Variants in TTLL2 observed in about 807,000 individuals in gnomAD.
TTLL2 encodes the protein probable tubulin polyglutamylase TTLL2.
Under a neutral mutation model 7.5 loss-of-function variants are expected in TTLL2, and 10 were observed. That is an observed-to-expected ratio of 1.33 (90% confidence interval 0.82 to 2.25). The LOEUF is 2.25. TTLL2 is among the 30% of genes most tolerant of loss of function. The pLI is 0.00. For missense variants in TTLL2, 733 were observed against 735.7 expected, an observed-to-expected ratio of 1.00 and a Z score of 0.04; for synonymous variants, 284 against 280.3, an observed-to-expected ratio of 1.01 and a Z score of -0.13.
At chr6:167,338,836 C>G (rs775000620) in intron 2 of TTLL2, 33 bp downstream of exon 2, 1 of 1,378,520 alleles carries the variant, frequency 7.3e-7, no homozygotes, top group East Asian at 2.6e-5. Context: ...TCCTTCCTTC[C>G]TTCCTTCCTT....
intron 1 of TTLL2, among the ~76,000 whole-genome samples, chr6:167,337,691 T>C (rs543839663): frequency 6.6e-6 from 1 of 152,204 alleles, no homozygotes; most frequent in Non-Finnish European, 1.5e-5. Context: ...TTCTTGGTGA[T>C]AGGAAAGAAG....
chr6:167,341,170 G>T lies in TTLL2; in HGVS notation c.1270G>T (p.Gly424Trp), dbSNP rs141172576. The change falls in exon 3 of 3, where the codon GGG (glycine) becomes TGG (tryptophan). Residue 424 changes from glycine (G) to tryptophan (W), a missense_variant. By Grantham distance (184) the Gly-to-Trp change is radical (BLOSUM62 -2). Transcript: ENST00000239587. Reference sequence around the variant, plus strand: ...TTACTTAAATGGTCTAAGAAATGAGGGGAGAGAAGCCAGTAATGCCACACA... The same window carrying T: ...TTACTTAAATGGTCTAAGAAATGAGTGGAGAGAAGCCAGTAATGCCACACA... ...LIYLNGLRNE[G>W]REASNATHGN... The T allele has an allele frequency of 6.2e-7, 1 of 1,613,858 alleles. No homozygotes were observed. The highest frequency in any genetic ancestry group is 8.5e-7 in the Non-Finnish European group (1 of 1,180,014).
In TTLL2 at chr6:167,341,620, T is replaced by A; in HGVS notation, c.1720T>A (p.Leu574Ile). 1.2e-6 allele frequency: 2 copies of A among 1,614,120 alleles called. No homozygotes were observed. Among genetic ancestry groups the A allele is most frequent in the South Asian group, 1.1e-5 (1 of 91,068 alleles). Residue 574 changes from leucine to isoleucine, a missense_variant, in exon 3 of 3, where the codon TTA becomes ATA. By Grantham distance (5) the Leu-to-Ile change is conservative. Transcript: ENST00000239587. ...EATLGASRNG[L>I]NVKRIIQELQ... ...AACTCTCGGAGCTTCCAGGAATGGA[T>A]TAAATGTCAAAAGAATAATCCAAGA...
At chr6:167,332,140 C>T (rs1459300685) in intron 1 of TTLL2, among the ~76,000 whole-genome samples, 1 of 152,128 alleles carries the variant, frequency 6.6e-6, no homozygotes, top group East Asian at 1.9e-4. Flanking sequence ...TCAAAGACCC[C>T]ACACTGCGTC....
chr6:167,326,108 T>C (rs1320493454), intron 1 of TTLL2, among the ~76,000 whole-genome samples: 2 of 151,928 alleles, frequency 1.3e-5, no homozygotes, highest in Non-Finnish European at 2.9e-5. Flanking sequence ...GGCGTTTGCG[T>C]TTCAAGCAGC....
At position 167,326,016 on chromosome 6, in the gene TTLL2, T is replaced by A. The variant is rs1583105984; in HGVS notation, c.47+796T>A. Among the ~76,000 whole-genome samples the A allele has an allele frequency of 2.0e-5, 3 of 151,906 alleles. No homozygotes were observed. In the South Asian group the frequency reaches 6.2e-4, roughly 32 times the overall value. ...GTAGCCTCCACACCGCAGGCAGAGG[T>A]CATGATGAGGGAAGAGATCACACCT... On this transcript the variant is annotated intron_variant, in intron 1 of 2. Coordinates refer to ENST00000239587, the MANE Select transcript of TTLL2 (RefSeq NM_031949.5).
chr6:167,325,247 T>C, intron 1 of TTLL2, 27 bp downstream of exon 1: 1 of 1,522,464 alleles, frequency 6.6e-7, no homozygotes, highest in Non-Finnish European at 8.8e-7. Flanking sequence ...ACACGTAGGA[T>C]GGGAGGGTGG....
Position 167,341,575 on chromosome 6 carries a change from GT to G in TTLL2, c.1680del (p.Pro561LeufsTer14). On this transcript the variant is annotated frameshift_variant, in exon 3 of 3. Coordinates refer to ENST00000239587, the MANE Select transcript of TTLL2 (RefSeq NM_031949.5). LOFTEE classifies it low-confidence loss of function (END_TRUNC). ...PDPQAGNFVL[V>X]FPFNEATLGA... The stretch of plus-strand genomic sequence containing the variant: ...TCCCCAAGCAGGCAACTTTGTTCTT[GT>G]TTTTCCTTTCAATGAAGCAACTCTC... 1.2e-6 allele frequency: 2 copies of G among 1,614,132 alleles called. No homozygotes were observed. Among genetic ancestry groups the G allele is most frequent in the East Asian group, 4.5e-5 (2 of 44,880 alleles).
At position 167,341,510 on chromosome 6, in the gene TTLL2, C is replaced by G; in HGVS notation, c.1610C>G (p.Thr537Ser). The stretch of plus-strand genomic sequence containing the variant: ...CAGTCGCACTCCTGCAAGACCAAGA[C>G]CTCCCCGTGTGTCCTGTCAGACCGT... ...LFQSHSCKTK[T>S]SPCVLSDRGK... Residue 537 changes from threonine (T) to serine (S), a missense_variant, in exon 3 of 3, where the codon ACC (threonine) becomes AGC (serine). Thr to Ser is a moderately conservative substitution (Grantham distance 58). Coordinates refer to ENST00000239587, the MANE Select transcript of TTLL2 (RefSeq NM_031949.5). The G allele has an allele frequency of 6.2e-7, 1 of 1,614,190 alleles. No individual in the cohort carries two copies. The highest frequency in any genetic ancestry group is 8.5e-7 in the Non-Finnish European group (1 of 1,180,056).
chr6:167,340,775 A>G lies in TTLL2; in HGVS notation c.875A>G (p.Asn292Ser), dbSNP rs1245291301. The change falls in exon 3 of 3, where the codon AAC (asparagine) becomes AGC (serine). Residue 292 changes from asparagine (N) to serine (S), a missense_variant. By Grantham distance (46) the Asn-to-Ser change is conservative. Coordinates refer to ENST00000239587, the MANE Select transcript of TTLL2 (RefSeq NM_031949.5). Reference protein sequence around the residue: ...TEKFDLSNLQNNYAHLTNSSI... With the variant: ...TEKFDLSNLQSNYAHLTNSSI... ...AAGTTTGACCTCAGTAATTTGCAAA[A>G]CAATTATGCCCATTTGACCAACAGC... The G allele has an allele frequency of 6.2e-7, 1 of 1,614,066 alleles. No individual in the cohort carries two copies. Among genetic ancestry groups the G allele is most frequent in the Non-Finnish European group, 8.5e-7 (1 of 1,180,042 alleles).
rs750974770 is a variant in TTLL2, at chr6:167,341,563, A to T, written c.1663A>T (p.Asn555Tyr). 3.7e-6 allele frequency: 6 copies of T among 1,614,176 alleles called. No individual in the cohort carries two copies. Among genetic ancestry groups the T allele is most frequent in the Non-Finnish European group, 3.4e-6 (4 of 1,180,044 alleles). ...CAAAGCTCCAGATCCCCAAGCAGGC[A>T]ACTTTGTTCTTGTTTTTCCTTTCAA... is the stretch of plus-strand genomic sequence containing the variant. ...RGKAPDPQAG[N>Y]FVLVFPFNEA... is the part of the protein sequence containing the mutation. Residue 555 changes from asparagine (N) to tyrosine (Y), a missense_variant, in exon 3 of 3, where the codon AAC (asparagine) becomes TAC (tyrosine). Transcript: ENST00000239587.
At position 167,340,241 on chromosome 6, in the gene TTLL2, A is replaced by C; in HGVS notation, c.341A>C (p.Gln114Pro). The part of the protein sequence containing the change: ...LERGWNKFDK[Q>P]EQNAEDWNLY... Reference sequence around the variant, plus strand: ...AGGGGGTGGAATAAGTTTGATAAGCAGGAGCAGAACGCGGAGGACTGGAAC... The same window carrying C: ...AGGGGGTGGAATAAGTTTGATAAGCCGGAGCAGAACGCGGAGGACTGGAAC... Residue 114 changes from glutamine (Q) to proline (P), a missense_variant, in exon 3 of 3, where the codon CAG (glutamine) becomes CCG (proline). Gln to Pro is a moderately conservative substitution (Grantham distance 76). Transcript: ENST00000239587. 1 of 1,614,138 alleles carries C rather than the reference A, an allele frequency of 6.2e-7. No individual in the cohort carries two copies. The highest frequency in any genetic ancestry group is 8.5e-7 in the Non-Finnish European group (1 of 1,180,022).
At chr6:167,338,521 A>T in intron 1 of TTLL2, 126 bp from the exon 2 acceptor site, 1 of 1,279,224 alleles carries the variant, frequency 7.8e-7, no homozygotes, top group Non-Finnish European at 1.1e-6. Flanking sequence ...TGAAAGCATT[A>T]CTGCAAACTA....
Position 167,342,326 on chromosome 6 carries a change from C to G in TTLL2, c.*647C>G, listed in dbSNP as rs560453070. On this transcript the variant is annotated 3_prime_UTR_variant, in exon 3 of 3. Transcript: ENST00000239587. The stretch of plus-strand genomic sequence containing the variant: ...CATGTGAGGTCATGGCCTCCCAGAT[C>G]AAAGTATGCTGTCATTCCTGCCACA... Among the ~76,000 whole-genome samples the G allele has an allele frequency of 1.3e-4, 20 of 152,326 alleles. No homozygotes were observed. In the South Asian group the frequency reaches 4.1e-3, roughly 32 times the overall value.
chr6:167,331,525 C>A (rs1265343907), intron 1 of TTLL2, among the ~76,000 whole-genome samples: 3 of 152,152 alleles, frequency 2.0e-5, no homozygotes, highest in Admixed American at 6.5e-5. Context: ...ACTTTCTGTT[C>A]TTGGCTTATT....
intron 1 of TTLL2, 121 bp from the exon 2 acceptor site, chr6:167,338,526 A>C (rs1779023328): frequency 7.3e-7 from 1 of 1,365,224 alleles, no homozygotes; most frequent in Non-Finnish European, 9.8e-7. Flanking sequence ...GCATTACTGC[A>C]AACTAGGACA....
In TTLL2 at chr6:167,341,515, C is replaced by T. The variant is rs1329074460; in HGVS notation, c.1615C>T (p.Pro539Ser). ...QSHSCKTKTSPCVLSDRGKAP... is the reference protein window; with the variant it reads ...QSHSCKTKTSSCVLSDRGKAP... ...GCACTCCTGCAAGACCAAGACCTCC[C>T]CGTGTGTCCTGTCAGACCGTGGCAA... The change falls in exon 3 of 3, where the codon CCG becomes TCG. Residue 539 changes from proline to serine, a missense_variant. Pro to Ser is a moderately conservative substitution (Grantham distance 74, BLOSUM62 -1). Transcript: ENST00000239587. The T allele has an allele frequency of 3.1e-5, 50 of 1,614,150 alleles. No individual in the cohort carries two copies. Among genetic ancestry groups the T allele is most frequent in the Non-Finnish European group, 4.2e-5 (50 of 1,180,038 alleles).
Position 167,341,187 on chromosome 6 carries a change from T to A in TTLL2, c.1287T>A (p.Asn429Lys), listed in dbSNP as rs779861848. Residue 429 changes from asparagine to lysine, a missense_variant, in exon 3 of 3, where the codon AAT (asparagine) becomes AAA (lysine). Physicochemically the swap from Asn to Lys is moderately conservative, Grantham distance 94. Transcript: ENST00000239587. ...GLRNEGREAS[N>K]ATHGNSNIDA... ...GAAATGAGGGGAGAGAAGCCAGTAA[T>A]GCCACACATGGAAATTCCAACATCG... The A allele has an allele frequency of 1.4e-5, 23 of 1,613,770 alleles. No homozygotes were observed. Among genetic ancestry groups the A allele is most frequent in the Non-Finnish European group, 1.7e-5 (20 of 1,179,966 alleles).
At position 167,340,748 on chromosome 6, in the gene TTLL2, A is replaced by T; in HGVS notation, c.848A>T (p.Glu283Val). 3.7e-6 allele frequency: 6 copies of T among 1,614,200 alleles called. No homozygotes were observed. The highest frequency in any genetic ancestry group is 5.1e-6 in the Non-Finnish European group (6 of 1,180,042). The change falls in exon 3 of 3, where the codon GAA (glutamate) becomes GTA (valine). Residue 283 changes from glutamate to valine, a missense_variant. Physicochemically the swap from Glu to Val is moderately radical, Grantham distance 121. Coordinates refer to ENST00000239587, the MANE Select transcript of TTLL2 (RefSeq NM_031949.5). ...GAAGGGTTGGTTCGGTTTGCCACGG[A>T]AAAGTTTGACCTCAGTAATTTGCAA... ...YQEGLVRFAT[E>V]KFDLSNLQNN...
Sources: allele counts gnomAD v4.1 joint callset (sites outside exome capture counted in the v4.1 genomes callset), GRCh38; gene constraint gnomAD v4.1.1; transcripts MANE v1.5; gene names NCBI Gene and HGNC (gene_info 2026-07-23, HGNC 2026-07-21).